USP15: variants seen among roughly 807,000 people sequenced by gnomAD.
USP15 encodes the protein ubiquitin specific peptidase 15.
USP15 carries 18 observed loss-of-function variants against 127.1 expected under a neutral mutation model. The ratio of observed to expected loss-of-function variants is 0.14; its 90% CI spans 0.10 to 0.21. The LOEUF (loss-of-function observed/expected upper bound fraction) is 0.21. USP15 is among the 10% of genes least tolerant of loss of function. The probability of loss-of-function intolerance (pLI) is 1.00; values close to 1 mark genes in which losing one functional copy is unlikely to be tolerated. For missense variants in USP15, 805 were observed against 1,159.9 expected, an observed-to-expected ratio of 0.69 and a Z score of 4.44; for synonymous variants, 364 against 393.7, an observed-to-expected ratio of 0.92 and a Z score of 0.89.
intron 8 of USP15, among the ~76,000 whole-genome samples, chr12:62,371,268 G>A (rs963965329): frequency 6.6e-6 from 1 of 152,018 alleles, no homozygotes; most frequent in Non-Finnish European, 1.5e-5. Context: ...TACTGTTACC[G>A]CTTCCCTACT....
intron 1 of USP15, among the ~76,000 whole-genome samples, chr12:62,283,360 A>G (rs2063703163): frequency 6.6e-6 from 1 of 152,226 alleles, no homozygotes; most frequent in Non-Finnish European, 1.5e-5. Context: ...AAAAACCTAC[A>G]GCAAGCTAAT....
chr12:62,388,532 T>G (rs897703221), intron 11 of USP15, among the ~76,000 whole-genome samples: 1 of 152,236 alleles, frequency 6.6e-6, no homozygotes, highest in South Asian at 2.1e-4. Context: ...CAATTGATAT[T>G]GGGCACTGTG....
At position 62,414,088 on chromosome 12, in the gene USP15, C is replaced by T. The variant is rs1460746944; in HGVS notation, c.*9713C>T. 1 of 152,092 alleles carries T rather than the reference C, an allele frequency of 6.6e-6. No individual in the cohort carries two copies. The highest frequency in any genetic ancestry group is 1.5e-5 in the Non-Finnish European group (1 of 68,012). 9.4% of individuals were successfully genotyped at this position (152,092 alleles called of 1,614,324 possible). A position where few individuals can be genotyped will look rare whatever the true frequency, so the allele number is the denominator to read the frequency against. ...GTTGGAACACACACGTCTGTGCCCT[C>T]AAACAAAACAGTAACATCAAAGATT... On this transcript the variant is annotated 3_prime_UTR_variant, in exon 22 of 22. Coordinates refer to ENST00000280377, the MANE Select transcript of USP15 (RefSeq NM_001252078.2).
chr12:62,376,800 G>A (rs190684492), intron 8 of USP15, among the ~76,000 whole-genome samples: 27 of 152,044 alleles, frequency 1.8e-4, no homozygotes, highest in East Asian at 5.8e-4. Context: ...ACACATATCC[G>A]ATTTTTAGTC....
chr12:62,333,046 A>G (rs1477555744), intron 6 of USP15, among the ~76,000 whole-genome samples: 5 of 152,222 alleles, frequency 3.3e-5, no homozygotes, highest in Non-Finnish European at 5.9e-5. Flanking sequence ...TTTAGAGAGT[A>G]TTCAATCCCT....
chr12:62,289,697 TTGTGTG>T (rs71450579), intron 1 of USP15, among the ~76,000 whole-genome samples: 154 of 135,498 alleles, frequency 1.1e-3, no homozygotes, highest in African/African-American at 2.6e-3. Flanking sequence ...GGTTGTTAAT[TTGTGTG>T]TGTGTGTGTG....
chr12:62,366,046 G>A (rs1183522961), intron 8 of USP15, among the ~76,000 whole-genome samples: 1 of 152,152 alleles, frequency 6.6e-6, no homozygotes, highest in African/African-American at 2.4e-5. Context: ...GCTCTTTTCT[G>A]GTTCCATATG....
intron 1 of USP15, among the ~76,000 whole-genome samples, chr12:62,286,232 A>T (rs988176067): frequency 2.0e-5 from 3 of 152,218 alleles, no homozygotes; most frequent in Non-Finnish European, 4.4e-5. Flanking sequence ...ACATGAAGAG[A>T]ATTCTCCAAA....
At chr12:62,307,463 T>C (rs1260049081) in intron 3 of USP15, among the ~76,000 whole-genome samples, 1 of 152,156 alleles carries the variant, frequency 6.6e-6, no homozygotes, top group African/African-American at 2.4e-5. Context: ...TAAAAGGCTA[T>C]GTTCTGTGTG....
At position 62,389,975 on chromosome 12, in the gene USP15, C is replaced by T. The variant is rs776838160; in HGVS notation, c.1831C>T (p.Leu611Phe). The stretch of plus-strand genomic sequence containing the variant: ...TGAAGACAAACTTTATAATCTCCTG[C>T]TCTTGAGAATGTGGTAAGTGCCAGA... Reference protein sequence around the residue: ...NTEDKLYNLLLLRMCRYVKIS... With the variant: ...NTEDKLYNLLFLRMCRYVKIS... The change falls in exon 14 of 22, where the codon CTC becomes TTC. Residue 611 changes from leucine (L) to phenylalanine (F), a missense_variant. Physicochemically the swap from Leu to Phe is conservative, Grantham distance 22. Coordinates refer to ENST00000280377, the MANE Select transcript of USP15 (RefSeq NM_001252078.2). 6.2e-7 allele frequency: 1 copy of T among 1,603,932 alleles called. No homozygotes were observed. Among genetic ancestry groups the T allele is most frequent in the Admixed American group, 1.7e-5 (1 of 58,428 alleles).
chr12:62,370,755 G>A (rs754533368), intron 8 of USP15, among the ~76,000 whole-genome samples: 6 of 151,968 alleles, frequency 3.9e-5, no homozygotes, highest in African/African-American at 7.3e-5. Context: ...TCCCTCATCC[G>A]TAATTCTCTC....
At chr12:62,272,929 A>G (rs2063376430) in intron 1 of USP15, among the ~76,000 whole-genome samples, 1 of 152,084 alleles carries the variant, frequency 6.6e-6, no homozygotes, top group Non-Finnish European at 1.5e-5. Context: ...AGTGGTCTTC[A>G]TGAAATGTAA....
chr12:62,312,637 C>T (rs866067177), intron 3 of USP15, among the ~76,000 whole-genome samples: 3 of 151,550 alleles, frequency 2.0e-5, no homozygotes, highest in Non-Finnish European at 3.0e-5. Context: ...TTAGAGTAAA[C>T]ATTATAACTA....
chr12:62,339,645 T>C (rs969952366), intron 6 of USP15, among the ~76,000 whole-genome samples: 2 of 152,208 alleles, frequency 1.3e-5, no homozygotes, highest in African/African-American at 4.8e-5. Context: ...GAGTTACTTA[T>C]GTGGTTTTTG....
intron 6 of USP15, among the ~76,000 whole-genome samples, chr12:62,327,125 T>C (rs1232292061): frequency 6.6e-6 from 1 of 151,958 alleles, no homozygotes; most frequent in Admixed American, 6.6e-5. Flanking sequence ...AATGCGACTT[T>C]CTCCAAAAAA....
At chr12:62,391,653 T>A (rs1164153426) in intron 16 of USP15, among the ~76,000 whole-genome samples, 163 bp from the exon 17 acceptor site, 1 of 152,126 alleles carries the variant, frequency 6.6e-6, no homozygotes, top group Non-Finnish European at 1.5e-5. Flanking sequence ...TTTTTTAAAC[T>A]CTTAAATTAT....
At chr12:62,398,224 C>A (rs1363158947) in intron 20 of USP15, among the ~76,000 whole-genome samples, 1 of 152,030 alleles carries the variant, frequency 6.6e-6, no homozygotes, top group Non-Finnish European at 1.5e-5. Flanking sequence ...AACTCCTGGG[C>A]TCAAGCGATC....
intron 8 of USP15, among the ~76,000 whole-genome samples, chr12:62,373,205 A>G (rs2066728566): frequency 6.6e-6 from 1 of 152,034 alleles, no homozygotes; most frequent in African/African-American, 2.4e-5. Flanking sequence ...TAACATTGAC[A>G]TCTGTAGTTA....
At chr12:62,368,594 G>A (rs2066557246) in intron 8 of USP15, among the ~76,000 whole-genome samples, 2 of 152,014 alleles carry the variant, frequency 1.3e-5, no homozygotes, top group South Asian at 2.1e-4. Flanking sequence ...ATCCTTGTTG[G>A]TTTAAAGTAT....
Sources: gnomAD v4.1 joint callset for allele counts (sites outside exome capture counted in the v4.1 genomes callset) on GRCh38, gnomAD v4.1.1 for gene constraint, MANE v1.5 for transcripts, NCBI Gene and HGNC (gene_info 2026-07-23, HGNC 2026-07-21) for gene names.